The following C12orf42 variants were observed in gnomAD, a reference collection of about 807,000 sequenced individuals.
C12orf42 encodes uncharacterized protein C12orf42.
C12orf42 carries 25 observed loss-of-function variants against 21.6 expected under a neutral mutation model. The ratio of observed to expected loss-of-function variants is 1.16; its 90% CI spans 0.84 to 1.62. The LOEUF (loss-of-function observed/expected upper bound fraction) is 1.62, where lower values mean the gene tolerates loss of function less well. Among genes scored for constraint, C12orf42 ranks in the 40% most tolerant of loss-of-function variants. C12orf42 has a pLI of 0.00. For missense variants in C12orf42, 483 were observed against 459.3 expected (o/e 1.05, Z -0.47); for synonymous variants, 174 against 175.0 (o/e 0.99, Z 0.05).
the C12orf42 span, among the ~76,000 whole-genome samples, chr12:103,200,868 A>C: frequency 1.3e-5 from 2 of 152,206 alleles, no homozygotes; most frequent in African/African-American, 4.8e-5. Flanking sequence ...TCAAAATAGG[A>C]ACAATTACAA....
the C12orf42 span, among the ~76,000 whole-genome samples, chr12:103,072,116 G>A: frequency 4.4e-3 from 666 of 152,240 alleles, 2 homozygotes; most frequent in South Asian, 9.3e-3. Flanking sequence ...GATTCACGAA[G>A]CAAGTGCCAT....
the C12orf42 span, chr12:103,503,450 G>A: frequency 6.6e-6 from 1 of 152,246 alleles, no homozygotes; most frequent in South Asian, 2.1e-4. Flanking sequence ...TGCACACGTG[G>A]GTCTCAAGAC....
downstream of C12orf42, among the ~76,000 whole-genome samples, chr12:103,235,531 A>G (rs552747365): frequency 6.6e-6 from 1 of 152,274 alleles, no homozygotes; most frequent in South Asian, 2.1e-4. Flanking sequence ...ATTTTTGGAA[A>G]CTTATTAACA....
At chr12:103,522,796 C>T in the C12orf42 span, among the ~76,000 whole-genome samples, 1 of 152,328 alleles carries the variant, frequency 6.6e-6, no homozygotes, top group East Asian at 1.9e-4. Flanking sequence ...ATATTGCCTG[C>T]AAACAAGTCC....
intron 3 of C12orf42, among the ~76,000 whole-genome samples, chr12:103,377,560 T>C (rs973868882): frequency 7.2e-5 from 11 of 152,038 alleles, no homozygotes; most frequent in Admixed American, 5.9e-4. Context: ...GGCCACTATA[T>C]AAAACTTCAA....
At chr12:103,502,630 C>T in the C12orf42 span, among the ~76,000 whole-genome samples, 1 of 152,188 alleles carries the variant, frequency 6.6e-6, no homozygotes, top group African/African-American at 2.4e-5. Context: ...TTTCTACCCA[C>T]CCATGTAAAA....
chr12:103,082,347 A>G, the C12orf42 span, among the ~76,000 whole-genome samples: 14 of 152,350 alleles, frequency 9.2e-5, no homozygotes, highest in African/African-American at 3.4e-4. Context: ...GAAAACTGGA[A>G]TGTATGATTA....
the C12orf42 span, among the ~76,000 whole-genome samples, chr12:103,502,022 G>A: frequency 1.3e-5 from 2 of 152,166 alleles, no homozygotes; most frequent in African/African-American, 4.8e-5. Flanking sequence ...GCGTTCAAAA[G>A]ATGTCAGGAT....
chr12:103,550,486 T>G, the C12orf42 span: 1 of 152,212 alleles, frequency 6.6e-6, no homozygotes, highest in Non-Finnish European at 1.5e-5. Context: ...TAAGCATCTT[T>G]GCATAATTAA....
At chr12:103,479,362 A>C (rs1565893815) in intron 1 of C12orf42, among the ~76,000 whole-genome samples, 1 of 152,086 alleles carries the variant, frequency 6.6e-6, no homozygotes, top group Non-Finnish European at 1.5e-5. Flanking sequence ...AGAGGTGTTA[A>C]AGGGTTGAAA....
At chr12:103,175,917 G>A in the C12orf42 span, among the ~76,000 whole-genome samples, 1 of 152,138 alleles carries the variant, frequency 6.6e-6, no homozygotes, top group Non-Finnish European at 1.5e-5. Context: ...ATTTCCCCAT[G>A]ATTAAGCTTT....
intron 2 of C12orf42, among the ~76,000 whole-genome samples, chr12:103,468,674 G>A (rs939567502): frequency 3.9e-5 from 6 of 151,934 alleles, no homozygotes; most frequent in Non-Finnish European, 7.4e-5. Context: ...TGCTATTGCT[G>A]CTTACAAAAG....
the C12orf42 span, among the ~76,000 whole-genome samples, chr12:103,160,258 G>A: frequency 6.6e-6 from 1 of 152,298 alleles, no homozygotes; most frequent in South Asian, 2.1e-4. Context: ...TAGAACCACA[G>A]GGAGTTGCAT....
intron 2 of C12orf42, among the ~76,000 whole-genome samples, chr12:103,466,037 G>C (rs1031673292): frequency 3.3e-5 from 5 of 152,154 alleles, no homozygotes; most frequent in African/African-American, 1.2e-4. Flanking sequence ...ATGTTCATCA[G>C]GAATATCGAC....
At chr12:103,550,221 T>A in the C12orf42 span, among the ~76,000 whole-genome samples, 1 of 152,170 alleles carries the variant, frequency 6.6e-6, no homozygotes, top group Non-Finnish European at 1.5e-5. Context: ...CATCCATTCA[T>A]CTACTTTTGT....
At chr12:103,316,814 G>GAA (rs796082267) in intron 4 of C12orf42, among the ~76,000 whole-genome samples, 5 of 142,730 alleles carry the variant, frequency 3.5e-5, no homozygotes, top group African/African-American at 1.0e-4. Flanking sequence ...ACTTATACTG[G>GAA]AAAAAAAAAA....
At chr12:103,285,651 G>C (rs2036398042) in intron 4 of C12orf42, among the ~76,000 whole-genome samples, 1 of 152,168 alleles carries the variant, frequency 6.6e-6, no homozygotes, top group South Asian at 2.1e-4. Flanking sequence ...TCACTGGGAA[G>C]GTAATATGAT....
chr12:103,048,630 T>C, the C12orf42 span, among the ~76,000 whole-genome samples: 71 of 152,230 alleles, frequency 4.7e-4, 1 homozygote, highest in Middle Eastern at 6.8e-3. Context: ...ATAAGTCTCC[T>C]GAGGAGTTCA....
At chr12:103,364,308 C>T (rs1375778951) in intron 4 of C12orf42, among the ~76,000 whole-genome samples, 1 of 151,960 alleles carries the variant, frequency 6.6e-6, no homozygotes, top group African/African-American at 2.4e-5. Flanking sequence ...ATAATAGTGA[C>T]ACAACCCATA....
Sources: allele counts gnomAD v4.1 joint callset (sites outside exome capture counted in the v4.1 genomes callset), GRCh38; gene constraint gnomAD v4.1.1; transcripts MANE v1.5; gene names NCBI Gene and HGNC (gene_info 2026-07-23, HGNC 2026-07-21).